The following CEP128 variants were observed in gnomAD, a reference collection of about 807,000 sequenced individuals.
CEP128 encodes the protein centrosomal protein 128kDa.
A neutral mutation model predicts 156.7 loss-of-function variants in CEP128; 132 were observed. That is an observed-to-expected ratio of 0.84 (90% CI 0.73 to 0.97). CEP128 has a LOEUF of 0.97. Ranked by LOEUF, CEP128 falls within the 50% of genes least tolerant of loss-of-function variation. CEP128 has a pLI of 0.00. For missense variants in CEP128, 1,252 were observed against 1,281.9 expected (o/e 0.98, Z 0.36); for synonymous variants, 469 against 448.9 (o/e 1.04, Z -0.57).
chr14:80,595,852 A>G (rs1270581634), intron 19 of CEP128, among the ~76,000 whole-genome samples: 1 of 152,176 alleles, frequency 6.6e-6, no homozygotes, highest in Non-Finnish European at 1.5e-5. Context: ...AGCAGGCAAG[A>G]GAGTTTGTGT....
intron 4 of CEP128, among the ~76,000 whole-genome samples, chr14:80,912,504 A>C (rs556719259): frequency 5.9e-5 from 9 of 152,266 alleles, no homozygotes; most frequent in Non-Finnish European, 1.3e-4. Context: ...TTTCACTAAT[A>C]AATTAAAAAG....
chr14:80,605,938 CAATAA>C (rs1373655090), intron 19 of CEP128, among the ~76,000 whole-genome samples: 6 of 151,728 alleles, frequency 4.0e-5, no homozygotes, highest in African/African-American at 9.7e-5. Context: ...AAACAGTTTC[CAATAA>C]AATATTATAG....
downstream of CEP128, among the ~76,000 whole-genome samples, chr14:80,496,290 A>T (rs1463469997): frequency 6.6e-6 from 1 of 152,162 alleles, no homozygotes; most frequent in Non-Finnish European, 1.5e-5. Flanking sequence ...AGCTTGTGTT[A>T]CGCAATTTTT....
Position 80,909,371 on chromosome 14 carries a change from TCACA to T in CEP128, c.235-3294_235-3291del, listed in dbSNP as rs36082524. ...AAAAGCTCAGAAATAAAGTGAATTT[TCACA>T]CACACACACACACACACACACACAC... On this transcript the variant is annotated intron_variant, in intron 4 of 24. Transcript: ENST00000555265. Among the ~76,000 whole-genome samples the T allele has an allele frequency of 8.8e-3, 1,257 of 142,406 alleles. 13 individuals are homozygous for T. Among genetic ancestry groups the T allele is most frequent in the African/African-American group, 0.022 (825 of 37,776 alleles). The allele number at this position is 142,406 out of a possible 152,430, so 93.4% of individuals were successfully genotyped here.
chr14:80,571,735 T>A (rs1891146242), intron 20 of CEP128, among the ~76,000 whole-genome samples: 1 of 151,244 alleles, frequency 6.6e-6, no homozygotes, highest in South Asian at 2.1e-4. Context: ...AAACTGAAAT[T>A]GACGAAGAAG....
At chr14:80,566,501 A>T (rs1890914686) in intron 20 of CEP128, among the ~76,000 whole-genome samples, 2 of 152,334 alleles carry the variant, frequency 1.3e-5, no homozygotes, top group Admixed American at 1.3e-4. Flanking sequence ...CAGTGATTTA[A>T]AAAAAATTCA....
chr14:80,774,060 C>T (rs962656590), intron 16 of CEP128, among the ~76,000 whole-genome samples: 1 of 152,062 alleles, frequency 6.6e-6, no homozygotes, highest in African/African-American at 2.4e-5. Context: ...AGAAAAAATG[C>T]ATTTTAATAC....
At chr14:80,761,296 A>T (rs981468084) in intron 17 of CEP128, 141 bp downstream of exon 17, 1 of 579,944 alleles carries the variant, frequency 1.7e-6, no homozygotes, top group Non-Finnish European at 2.9e-6. Flanking sequence ...CCAGCGCCTT[A>T]TTCTAAAAAA....
Position 80,827,690 on chromosome 14 carries a change from T to C in CEP128, c.1209+3453A>G, listed in dbSNP as rs761429245. ...ACTATAATTATGAACAAACAACCCT[T>C]AAGGCATCATTATTCTCTGATTCTG... On this transcript the variant is annotated intron_variant, in intron 13 of 24. Coordinates refer to ENST00000555265, the MANE Select transcript of CEP128 (RefSeq NM_152446.5). Among the ~76,000 whole-genome samples, 58 of 152,160 alleles carry C rather than the reference T, an allele frequency of 3.8e-4. 1 individual carries two copies. Among genetic ancestry groups the C allele is most frequent in the Admixed American group, 2.0e-4 (3 of 15,276 alleles).
chr14:80,890,915 A>T (rs1294295943), intron 8 of CEP128, among the ~76,000 whole-genome samples: 1 of 152,196 alleles, frequency 6.6e-6, no homozygotes, highest in Non-Finnish European at 1.5e-5. Flanking sequence ...TCAGAAGGAG[A>T]CACACAAACG....
intron 19 of CEP128, among the ~76,000 whole-genome samples, chr14:80,680,480 G>A (rs1159361540): frequency 3.3e-5 from 5 of 152,080 alleles, no homozygotes; most frequent in Admixed American, 3.3e-4. Context: ...AGCCAGTGCA[G>A]CCCCATCCTT....
chr14:80,816,630 G>A (rs1166203274), intron 13 of CEP128, among the ~76,000 whole-genome samples: 1 of 152,146 alleles, frequency 6.6e-6, no homozygotes, highest in Non-Finnish European at 1.5e-5. Context: ...CGTGCTGAGA[G>A]GGAGAGGCCT....
chr14:80,789,851 G>T (rs1205343975), intron 14 of CEP128, among the ~76,000 whole-genome samples: 2 of 151,818 alleles, frequency 1.3e-5, no homozygotes, highest in African/African-American at 4.8e-5. Flanking sequence ...TAGATGAGGG[G>T]CTTGCTCAAT....
At chr14:80,707,671 C>T (rs1013133760) in intron 19 of CEP128, among the ~76,000 whole-genome samples, 1 of 152,150 alleles carries the variant, frequency 6.6e-6, no homozygotes, top group African/African-American at 2.4e-5. Context: ...TTTACTACTA[C>T]ATGATTTTTA....
At chr14:80,495,328 T>G (rs1472381027), downstream of CEP128, among the ~76,000 whole-genome samples, 2 of 152,182 alleles carry the variant, frequency 1.3e-5, no homozygotes, top group African/African-American at 4.8e-5. Context: ...GTAGGGTAAC[T>G]GCAAGATAGG....
chr14:80,867,651 G>A (rs982372619), intron 8 of CEP128, among the ~76,000 whole-genome samples: 1 of 151,342 alleles, frequency 6.6e-6, no homozygotes, highest in South Asian at 2.1e-4. Context: ...ATTTGAAATT[G>A]CCCACTCAGA....
At chr14:80,513,240 A>T (rs528376323) in intron 23 of CEP128, among the ~76,000 whole-genome samples, 4 of 152,258 alleles carry the variant, frequency 2.6e-5, no homozygotes, top group Admixed American at 1.3e-4. Context: ...TTTTTCCTGG[A>T]TACACTATTC....
At chr14:80,803,693 T>G (rs1394342640) in intron 13 of CEP128, among the ~76,000 whole-genome samples, 3 of 152,160 alleles carry the variant, frequency 2.0e-5, no homozygotes, top group Admixed American at 6.5e-5. Flanking sequence ...AAGTAAAGCT[T>G]TTTGTAAGAC....
intron 20 of CEP128, 88 bp from the exon 21 acceptor site, chr14:80,559,390 CATCT>C (rs1890574808): frequency 5.0e-6 from 5 of 998,618 alleles, no homozygotes; most frequent in Non-Finnish European, 5.9e-6. Context: ...TTCTATTTAC[CATCT>C]ATTATTAATA....
Sources: gnomAD v4.1 joint callset for allele counts (sites outside exome capture counted in the v4.1 genomes callset) on GRCh38, gnomAD v4.1.1 for gene constraint, MANE v1.5 for transcripts, NCBI Gene and HGNC (gene_info 2026-07-23, HGNC 2026-07-21) for gene names.